Variants in COLEC10 observed in about 807,000 individuals in gnomAD.
COLEC10 encodes collectin-10.
A neutral mutation model predicts 28.4 loss-of-function variants in COLEC10; 22 were observed. The ratio of observed to expected loss-of-function variants is 0.78; its 90% confidence interval spans 0.55 to 1.11. COLEC10 has a LOEUF of 1.11. COLEC10 is among the 50% of genes least tolerant of loss of function. The pLI, the probability that COLEC10 is intolerant of heterozygous loss-of-function variation, is 0.00. For missense variants in COLEC10, 361 were observed against 344.1 expected (o/e 1.05, Z -0.39); for synonymous variants, 125 against 116.1 (o/e 1.08, Z -0.49).
chr8:119,056,944 A>G (rs759484013), intron 2 of COLEC10, among the ~76,000 whole-genome samples: 5 of 151,896 alleles, frequency 3.3e-5, no homozygotes, highest in Non-Finnish European at 5.9e-5. Flanking sequence ...CAAACACATC[A>G]TTCTCTCAAC....
At chr8:119,104,636 T>C (rs1231735716) in intron 5 of COLEC10, among the ~76,000 whole-genome samples, 2 of 152,322 alleles carry the variant, frequency 1.3e-5, no homozygotes, top group Middle Eastern at 3.4e-3. Context: ...CTTTCATTTA[T>C]TGTAACTCAG....
chr8:119,059,284 C>A (rs543695135), intron 2 of COLEC10, among the ~76,000 whole-genome samples: 2 of 151,264 alleles, frequency 1.3e-5, no homozygotes, highest in Non-Finnish European at 2.9e-5. Context: ...CTACATAACC[C>A]AAGGTTGCAG....
rs1355942230 is a variant in COLEC10 at position 119,105,986 on chromosome 8, G to C, written c.629G>C (p.Gly210Ala). The C allele has an allele frequency of 1.2e-6, 2 of 1,613,708 alleles. No homozygotes were observed. Among genetic ancestry groups the C allele is most frequent in the Non-Finnish European group, 1.7e-6 (2 of 1,179,888 alleles). The change falls in exon 6 of 6, where the codon GGC (glycine) becomes GCC (alanine). Residue 210 changes from glycine to alanine, a missense_variant. Gly to Ala is a moderately conservative substitution (Grantham distance 60). Around this residue, in one of 3 missense-constraint regions of COLEC10, gnomAD observed 335 missense variants for 308.5 expected, o/e 1.09. Transcript: ENST00000332843. ...AGTGGCTTCTTTCGGGTGTTCATTG[G>C]CGTGAATGACCTTGAAAGGGAGGGA... The part of the protein sequence containing the change: ...AKSGFFRVFI[G>A]VNDLEREGQY...
At chr8:118,958,586 G>GAAA in the COLEC10 span, among the ~76,000 whole-genome samples, 2 of 150,648 alleles carry the variant, frequency 1.3e-5, no homozygotes, top group Admixed American at 1.3e-4. Flanking sequence ...TTCTGCCCAG[G>GAAA]AAAAAAAAAG....
intron 3 of COLEC10, among the ~76,000 whole-genome samples, chr8:119,091,595 G>GAGAAAGAAAGAAAGAA (rs200954056): frequency 2.9e-4 from 40 of 138,566 alleles, no homozygotes; most frequent in African/African-American, 1.0e-3. Context: ...GAGAGAGAGA[G>GAGAAAGAAAGAAAGAA]AGAAAGAAAG....
chr8:119,030,962 C>T (rs1814276663), intron 2 of COLEC10, among the ~76,000 whole-genome samples: 1 of 152,146 alleles, frequency 6.6e-6, no homozygotes, highest in Non-Finnish European at 1.5e-5. Context: ...CTCTGTTGGA[C>T]TCTAATCATC....
chr8:119,089,883 A>G (rs1277781550), intron 2 of COLEC10, 132 bp downstream of exon 2: 8 of 675,688 alleles, frequency 1.2e-5, no homozygotes, highest in Admixed American at 2.6e-5. Flanking sequence ...TATTTCACAC[A>G]TGAATTAACT....
At chr8:119,047,122 C>T (rs1345477448) in intron 2 of COLEC10, among the ~76,000 whole-genome samples, 1 of 152,134 alleles carries the variant, frequency 6.6e-6, no homozygotes, top group East Asian at 1.9e-4. Context: ...GAATATAAAC[C>T]AACAGATGTT....
intron 1 of COLEC10, among the ~76,000 whole-genome samples, chr8:119,072,972 C>T (rs927796597): frequency 5.9e-5 from 9 of 151,964 alleles, no homozygotes; most frequent in African/African-American, 2.2e-4. Context: ...TACTTCTCAG[C>T]CCCCAACACA....
intron 2 of COLEC10, among the ~76,000 whole-genome samples, chr8:119,047,980 T>C (rs1448610330): frequency 6.6e-6 from 1 of 152,226 alleles, no homozygotes; most frequent in Non-Finnish European, 1.5e-5. Flanking sequence ...AGCAGAAGAA[T>C]AGCATAAGAG....
the COLEC10 span, among the ~76,000 whole-genome samples, chr8:118,974,731 G>A: frequency 6.6e-6 from 1 of 152,010 alleles, no homozygotes; most frequent in Non-Finnish European, 1.5e-5. Flanking sequence ...ACTCAACTCT[G>A]CACTATGATG....
upstream of COLEC10, among the ~76,000 whole-genome samples, chr8:118,993,824 A>G (rs1222648477): frequency 6.6e-6 from 1 of 152,204 alleles, no homozygotes; most frequent in Non-Finnish European, 1.5e-5. Flanking sequence ...TGGGACTTCA[A>G]CATATGAATT....
intron 1 of COLEC10, chr8:119,068,800 G>C (rs1815025745): frequency 6.6e-6 from 1 of 151,960 alleles, no homozygotes; most frequent in African/African-American, 2.4e-5. Flanking sequence ...CCTGGGGAGA[G>C]GGACTTGGGA....
At chr8:119,056,645 A>G (rs1814766492) in intron 2 of COLEC10, among the ~76,000 whole-genome samples, 1 of 152,056 alleles carries the variant, frequency 6.6e-6, no homozygotes, top group Non-Finnish European at 1.5e-5. Flanking sequence ...AAACAAAACA[A>G]AACACCTCAT....
intron 1 of COLEC10, among the ~76,000 whole-genome samples, chr8:119,002,964 G>A (rs575000024): frequency 1.6e-4 from 25 of 152,002 alleles, no homozygotes; most frequent in Non-Finnish European, 2.9e-4. Context: ...AATTCTTTAC[G>A]TAATCATATT....
chr8:119,104,009 TG>T lies in COLEC10; in HGVS notation c.442+115del, dbSNP rs973431363. 2.0e-5 allele frequency: 15 copies of T among 759,574 alleles called. No individual in the cohort carries two copies. In the African/African-American group the frequency reaches 2.3e-4, roughly 12 times the overall value. 47.1% of individuals were successfully genotyped at this position (759,574 alleles called of 1,614,324 possible). Reference sequence around the variant, plus strand: ...GTTGGACAAAGGGCTATTGAGATAGTGTCACCAGTTTAAGGGTCTCCCAAAT... The same window carrying T: ...GTTGGACAAAGGGCTATTGAGATAGTTCACCAGTTTAAGGGTCTCCCAAAT... On this transcript the variant is annotated intron_variant, in intron 5 of 5. Coordinates refer to ENST00000332843, the MANE Select transcript of COLEC10 (RefSeq NM_006438.5).
At chr8:118,961,082 A>C in the COLEC10 span, among the ~76,000 whole-genome samples, 1 of 152,298 alleles carries the variant, frequency 6.6e-6, no homozygotes, top group South Asian at 2.1e-4. Flanking sequence ...GCTTTTAACC[A>C]ATAAAACATT....
At chr8:119,003,166 A>G (rs976855070) in intron 1 of COLEC10, among the ~76,000 whole-genome samples, 3 of 152,288 alleles carry the variant, frequency 2.0e-5, no homozygotes, top group African/African-American at 4.8e-5. Context: ...ACAGACATGT[A>G]TAAGTCTTTA....
chr8:119,073,971 T>C (rs1449655924), intron 1 of COLEC10, among the ~76,000 whole-genome samples: 2 of 142,440 alleles, frequency 1.4e-5, no homozygotes, highest in South Asian at 2.2e-4. Context: ...CATATACACA[T>C]ATATATACAC....
Sources: gnomAD v4.1 joint callset for allele counts (sites outside exome capture counted in the v4.1 genomes callset) on GRCh38, gnomAD v4.1.1 for gene constraint, gnomAD v4.1.1 regional missense constraint, MANE v1.5 for transcripts, NCBI Gene and HGNC (gene_info 2026-07-23, HGNC 2026-07-21) for gene names.